The following SNX2 variants were observed in gnomAD, a reference collection of about 807,000 sequenced individuals.
The protein encoded by SNX2 is sorting nexin-2.
SNX2 carries 25 observed loss-of-function variants against 69.9 expected under a neutral mutation model. The observed-to-expected ratio is 0.36, with a 90% CI of 0.26 to 0.50. SNX2 has a LOEUF of 0.50. Ranked by LOEUF, SNX2 falls within the 20% of genes least tolerant of loss-of-function variation. The pLI is 0.97. For synonymous variants in SNX2, 229 were observed against 200.4 expected (o/e 1.14, Z -1.20); for missense variants, 551 against 613.3 (o/e 0.90, Z 1.07).
At chr5:122,792,776 A>C (rs767510419) in intron 1 of SNX2, among the ~76,000 whole-genome samples, 10 of 152,208 alleles carry the variant, frequency 6.6e-5, no homozygotes, top group Middle Eastern at 3.2e-3. Flanking sequence ...ATATATAAGG[A>C]ACTTCTGCAA....
intron 7 of SNX2, among the ~76,000 whole-genome samples, chr5:122,814,033 A>C (rs902515809): frequency 3.9e-5 from 6 of 152,092 alleles, no homozygotes; most frequent in Non-Finnish European, 8.8e-5. Flanking sequence ...AAGTGCAGGG[A>C]TTACAGGCAT....
intron 1 of SNX2, among the ~76,000 whole-genome samples, chr5:122,785,136 C>A (rs1753057007): frequency 6.6e-6 from 1 of 151,694 alleles, no homozygotes; most frequent in Non-Finnish European, 1.5e-5. Flanking sequence ...GGTTTGATAT[C>A]CTCTTAGGAT....
Position 122,777,105 on chromosome 5 carries a change from T to C in SNX2, c.108+1894T>C, listed in dbSNP as rs561491575. ...ATTTCCTAGTATACCAAAACTGCTTTAAAGGAATGTTCTTTCAGTACTTCA... is the reference window on the plus strand; with the variant it reads ...ATTTCCTAGTATACCAAAACTGCTTCAAAGGAATGTTCTTTCAGTACTTCA... On this transcript the variant is annotated intron_variant, in intron 1 of 14. Coordinates refer to ENST00000379516, the MANE Select transcript of SNX2 (RefSeq NM_003100.4). 2.0e-5 allele frequency among the ~76,000 whole-genome samples: 3 copies of C among 152,336 alleles called. No homozygotes were observed. In the South Asian group the frequency reaches 6.2e-4, roughly 32 times the overall value.
chr5:122,783,919 T>C (rs1753027714), intron 1 of SNX2, among the ~76,000 whole-genome samples: 1 of 151,840 alleles, frequency 6.6e-6, no homozygotes, highest in Admixed American at 6.6e-5. Flanking sequence ...TCTATTTATT[T>C]AGTTAGATCT....
In SNX2 at chr5:122,834,251, T is replaced by G. The variant is rs1754358910; in HGVS notation, c.*4603T>G. 1.3e-5 allele frequency: 2 copies of G among 152,234 alleles called. No individual in the cohort carries two copies. Among genetic ancestry groups the G allele is most frequent in the Non-Finnish European group, 2.9e-5 (2 of 68,028 alleles). 9.4% of individuals were successfully genotyped at this position (152,234 alleles called of 1,614,324 possible). A position where few individuals can be genotyped will look rare whatever the true frequency, so the allele number is the denominator to read the frequency against. On this transcript the variant is annotated 3_prime_UTR_variant, in exon 15 of 15. Transcript: ENST00000379516. ...TGTAGAAGATAGGGAAGCTGTAGTT[T>G]ACTATCTAGTTTTTTAATGCACATG... is the stretch of plus-strand genomic sequence containing the variant.
At chr5:122,787,258 G>C (rs1223593580) in intron 1 of SNX2, among the ~76,000 whole-genome samples, 1 of 152,158 alleles carries the variant, frequency 6.6e-6, no homozygotes, top group Non-Finnish European at 1.5e-5. Flanking sequence ...GGTGGCTCAC[G>C]CCTGTAATCC....
chr5:122,816,864 C>CTTAA, intron 8 of SNX2, 51 bp from the exon 9 acceptor site: 2 of 1,090,250 alleles, frequency 1.8e-6, no homozygotes, highest in Non-Finnish European at 2.8e-6. Context: ...CCTAGTTAAA[C>CTTAA]CTCCAGGCTT....
Position 122,831,746 on chromosome 5 carries a change from A to G in SNX2, c.*2098A>G, listed in dbSNP as rs1309808616. Among the ~76,000 whole-genome samples the G allele has an allele frequency of 6.6e-6, 1 of 152,226 alleles. No homozygotes were observed. Among genetic ancestry groups the G allele is most frequent in the Non-Finnish European group, 1.5e-5 (1 of 68,040 alleles). ...CACAGGTATATTACTTAACAAAGGT[A>G]TAGTTTACACATAGGATGGTTATTC... On this transcript the variant is annotated 3_prime_UTR_variant, in exon 15 of 15. Transcript: ENST00000379516.
chr5:122,775,283 GTCCCTCCC>G, intron 1 of SNX2, 72 bp downstream of exon 1: 1 of 1,476,816 alleles, frequency 6.8e-7, no homozygotes, highest in South Asian at 1.3e-5. Context: ...GCCCCGACTT[GTCCCTCCC>G]CATCCCCCGT....
chr5:122,829,162 C>T (rs944475369), intron 14 of SNX2, among the ~76,000 whole-genome samples: 1 of 151,526 alleles, frequency 6.6e-6, no homozygotes, highest in Non-Finnish European at 1.5e-5. Flanking sequence ...AAATATTAGT[C>T]ATTGTTAGCT....
At chr5:122,824,672 T>C (rs1367921682) in intron 11 of SNX2, among the ~76,000 whole-genome samples, 3 of 152,202 alleles carry the variant, frequency 2.0e-5, no homozygotes, top group East Asian at 1.9e-4. Flanking sequence ...TTCTGGTTGA[T>C]TGGATTTTTT....
At chr5:122,789,090 G>A (rs562176781) in intron 1 of SNX2, among the ~76,000 whole-genome samples, 2 of 152,184 alleles carry the variant, frequency 1.3e-5, no homozygotes, top group Non-Finnish European at 2.9e-5. Context: ...GTTTGGTCAG[G>A]CAATCAATTT....
Position 122,799,719 on chromosome 5 carries a change from G to T in SNX2, c.254G>T (p.Ser85Ile). The T allele has an allele frequency of 6.2e-7, 1 of 1,613,466 alleles. No homozygotes were observed. The highest frequency in any genetic ancestry group is 8.5e-7 in the Non-Finnish European group (1 of 1,179,644). ...AEATEEVSLD[S>I]PEREPILSSE... ...GCCACAGAAGAAGTTTCTTTGGACA[G>T]CCCTGAAAGGGAACCTATCCTATCC... is the stretch of plus-strand genomic sequence containing the variant. The change falls in exon 3 of 15, where the codon AGC (serine) becomes ATC (isoleucine). Residue 85 changes from serine to isoleucine, a missense_variant. Transcript: ENST00000379516.
In SNX2 at chr5:122,830,638, A is replaced by T. The variant is rs533066035; in HGVS notation, c.*990A>T. 1.3e-5 allele frequency among the ~76,000 whole-genome samples: 2 copies of T among 152,202 alleles called. No homozygotes were observed. The highest frequency in any genetic ancestry group is 2.4e-5 in the African/African-American group (1 of 41,454). On this transcript the variant is annotated 3_prime_UTR_variant, in exon 15 of 15. Transcript: ENST00000379516. The stretch of plus-strand genomic sequence containing the variant: ...GCAAATTTGAAGTAAACTGAAATTT[A>T]GTTTGCCTTGGGCAATGTTTTTACC...
intron 1 of SNX2, chr5:122,775,804 A>G: frequency 1.0e-6 from 1 of 980,742 alleles, no homozygotes; most frequent in Non-Finnish European, 1.2e-6. Flanking sequence ...TAGTTCCTAG[A>G]CTTTTAAAAG....
chr5:122,827,744 A>T lies in SNX2; in HGVS notation c.1509+98A>T, dbSNP rs543318044. On this transcript the variant is annotated intron_variant, in intron 14 of 14. Coordinates refer to ENST00000379516, the MANE Select transcript of SNX2 (RefSeq NM_003100.4). ...ATTAATGAACTGGGCATTTAAACTC[A>T]AGAATAAGAAATGGAAGACAGAAAG... The T allele has an allele frequency of 6.2e-6, 5 of 802,986 alleles. No homozygotes were observed. The African/African-American group carries it at 8.7e-5, about 14-fold the overall frequency. The allele number at this position is 802,986 out of a possible 1,614,324, so 49.7% of individuals were successfully genotyped here.
At chr5:122,799,656 C>T (rs1027434479) in intron 2 of SNX2, 36 bp from the exon 3 acceptor site, 3 of 1,548,702 alleles carry the variant, frequency 1.9e-6, no homozygotes, top group Non-Finnish European at 2.6e-6. Context: ...GTTTGCTTGC[C>T]AGTGTTCTTA....
chr5:122,810,206 T>G (rs1024589810), intron 7 of SNX2, among the ~76,000 whole-genome samples: 8 of 150,984 alleles, frequency 5.3e-5, no homozygotes, highest in African/African-American at 2.0e-4. Flanking sequence ...GAAGGCAGCA[T>G]GCTCGTTAAG....
At chr5:122,801,700 A>G (rs1444162889) in intron 3 of SNX2, among the ~76,000 whole-genome samples, 169 bp from the exon 4 acceptor site, 1 of 120,152 alleles carries the variant, frequency 8.3e-6, no homozygotes, top group African/African-American at 4.0e-5. Context: ...TTTTATTTAT[A>G]AAGTCAGGAA....
Sources: gnomAD v4.1 joint callset for allele counts (sites outside exome capture counted in the v4.1 genomes callset) on GRCh38, gnomAD v4.1.1 for gene constraint, MANE v1.5 for transcripts, NCBI Gene and HGNC (gene_info 2026-07-23, HGNC 2026-07-21) for gene names.